The following MMP12 variants were observed in gnomAD, a reference collection of about 807,000 sequenced individuals.
The protein encoded by MMP12 is macrophage metalloelastase.
A neutral mutation model predicts 45.2 loss-of-function variants in MMP12; 51 were observed. The ratio of observed to expected loss-of-function variants is 1.13; its 90% CI spans 0.90 to 1.42. The LOEUF (loss-of-function observed/expected upper bound fraction) is 1.42, where lower values mean the gene tolerates loss of function less well. Ranked by LOEUF, MMP12 falls within the 40% of genes most tolerant of loss-of-function variation. MMP12 has a pLI of 0.00. For missense variants in MMP12, 530 were observed against 570.8 expected (o/e 0.93, Z 0.73); for synonymous variants, 210 against 193.3 (o/e 1.09, Z -0.72).
At chr11:102,871,992 A>C (rs1555009461) in intron 2 of MMP12, 40 bp from the exon 3 acceptor site, 14 of 1,564,182 alleles carry the variant, frequency 9.0e-6, no homozygotes, top group Non-Finnish European at 1.2e-5. Context: ...TATGGAAGGC[A>C]GTGTTATTTT....
At chr11:102,869,300 C>T (rs911025552) in intron 4 of MMP12, among the ~76,000 whole-genome samples, 2 of 152,118 alleles carry the variant, frequency 1.3e-5, no homozygotes, top group Non-Finnish European at 2.9e-5. Context: ...AGTGTCTAGA[C>T]ACAAATCAAG....
At chr11:102,863,235 C>A (rs201552823) in intron 9 of MMP12, 35 bp from the exon 10 acceptor site, 12 of 1,132,152 alleles carry the variant, frequency 1.1e-5, no homozygotes, top group Non-Finnish European at 1.4e-5. Flanking sequence ...GTTTAATTCC[C>A]TCCCTGTATT....
chr11:102,867,202 C>T, intron 6 of MMP12, 68 bp downstream of exon 6: 1 of 1,373,288 alleles, frequency 7.3e-7, no homozygotes, highest in South Asian at 1.5e-5. Context: ...TTATTTTCCA[C>T]TGTTTTCTGA....
At chr11:102,867,175 A>T in intron 6 of MMP12, 95 bp downstream of exon 6, 1 of 1,176,878 alleles carries the variant, frequency 8.5e-7, no homozygotes, top group Non-Finnish European at 1.2e-6. Context: ...TACAAGTTTC[A>T]TCTACTTCAT....
chr11:102,874,104 G>A (rs1271701842), intron 1 of MMP12, among the ~76,000 whole-genome samples: 1 of 151,544 alleles, frequency 6.6e-6, no homozygotes, highest in African/African-American at 2.4e-5. Context: ...TATAAGTTGG[G>A]ACACAAATTT....
chr11:102,863,001 A>G lies in MMP12; in HGVS notation c.*99T>C. 1 of 640,882 alleles carries G rather than the reference A, an allele frequency of 1.6e-6. No individual in the cohort carries two copies. Among genetic ancestry groups the G allele is most frequent in the Non-Finnish European group, 2.6e-6 (1 of 378,610 alleles). The allele number at this position is 640,882 out of a possible 1,614,324, so 39.7% of individuals were successfully genotyped here. The stretch of plus-strand genomic sequence containing the variant: ...GGTTTACAGATTTTATTTTTATGAT[A>G]CATATCTCTAAGTAGTGGTACACTG... On this transcript the variant is annotated 3_prime_UTR_variant, in exon 10 of 10. Coordinates refer to ENST00000571244, the MANE Select transcript of MMP12 (RefSeq NM_002426.6).
At chr11:102,868,233 A>G (rs568837324) in intron 4 of MMP12, among the ~76,000 whole-genome samples, 164 bp from the exon 5 acceptor site, 1 of 152,344 alleles carries the variant, frequency 6.6e-6, no homozygotes, top group Non-Finnish European at 1.5e-5. Flanking sequence ...ATTACAGTTC[A>G]GTAGTCTGGG....
At chr11:102,868,298 G>T (rs554803786) in intron 4 of MMP12, among the ~76,000 whole-genome samples, 13 of 152,280 alleles carry the variant, frequency 8.5e-5, no homozygotes, top group African/African-American at 3.1e-4. Context: ...CTAAATGCAA[G>T]TAGCAAATCC....
At chr11:102,870,397 G>A (rs1420096447) in intron 4 of MMP12, among the ~76,000 whole-genome samples, 1 of 152,190 alleles carries the variant, frequency 6.6e-6, no homozygotes, top group African/African-American at 2.4e-5. Flanking sequence ...AACTTTATAA[G>A]CCTTAGGCTA....
At chr11:102,871,089 G>A (rs1555009251) in intron 4 of MMP12, among the ~76,000 whole-genome samples, 1 of 152,012 alleles carries the variant, frequency 6.6e-6, no homozygotes, top group Non-Finnish European at 1.5e-5. Flanking sequence ...AAATTAGCCG[G>A]GTGGGTAGCG....
chr11:102,869,549 C>A (rs1485855163), intron 4 of MMP12, among the ~76,000 whole-genome samples: 1 of 152,074 alleles, frequency 6.6e-6, no homozygotes, highest in African/African-American at 2.4e-5. Flanking sequence ...AACCTCATCA[C>A]CCAATACCAT....
intron 7 of MMP12, 127 bp from the exon 8 acceptor site, chr11:102,866,062 C>G (rs782705467): frequency 7.9e-6 from 7 of 886,318 alleles, no homozygotes; most frequent in Non-Finnish European, 9.8e-6. Context: ...TGATCTTAAA[C>G]ATAGTCTCTT....
chr11:102,864,509 G>A (rs1175008174), intron 8 of MMP12, among the ~76,000 whole-genome samples: 1 of 152,112 alleles, frequency 6.6e-6, no homozygotes, highest in Non-Finnish European at 1.5e-5. Flanking sequence ...GCTTTATAGA[G>A]TCTGGCATAG....
intron 4 of MMP12, among the ~76,000 whole-genome samples, chr11:102,870,168 T>C (rs1859466758): frequency 6.6e-6 from 1 of 152,232 alleles, no homozygotes; most frequent in Non-Finnish European, 1.5e-5. Flanking sequence ...GAAAGCTGTA[T>C]TAAATTACTC....
At chr11:102,871,339 C>T (rs1859490714) in intron 4 of MMP12, among the ~76,000 whole-genome samples, 1 of 152,116 alleles carries the variant, frequency 6.6e-6, no homozygotes, top group South Asian at 2.1e-4. Context: ...ATAGCATCCT[C>T]ATAGATTGTT....
Position 102,874,881 on chromosome 11 carries a change from C to T in MMP12, c.57G>A (p.Leu19=). Residue 19 remains leucine (L), a synonymous_variant, in exon 1 of 10, where the codon CTG becomes CTA. Transcript: ENST00000571244. ...LQATASGALP[L]NSSTSLEKNN... The stretch of plus-strand genomic sequence containing the variant: ...TTTTTTCCAGGCTTGTAGAGCTGTT[C>T]AGGGGAAGAGCTCCAGAAGCAGTGG... The T allele has an allele frequency of 6.2e-7, 1 of 1,607,460 alleles. No individual in the cohort carries two copies. The highest frequency in any genetic ancestry group is 8.5e-7 in the Non-Finnish European group (1 of 1,176,782).
In MMP12 at chr11:102,865,551, T is replaced by C. The variant is rs1436093786; in HGVS notation, c.1205+225A>G. 1.3e-5 allele frequency among the ~76,000 whole-genome samples: 2 copies of C among 151,586 alleles called. No homozygotes were observed. Among genetic ancestry groups the C allele is most frequent in the Non-Finnish European group, 2.9e-5 (2 of 67,832 alleles). ...TAAGATGACATTTTATTTAGAGTGTTTTTTTAAAAAAAAACACACATTATC... is the reference window on the plus strand; with the variant it reads ...TAAGATGACATTTTATTTAGAGTGTCTTTTTAAAAAAAAACACACATTATC... On this transcript the variant is annotated intron_variant, in intron 8 of 9. Transcript: ENST00000571244. This position sits in a 1 kb window ranked among gnomAD's most constrained non-coding sequence, Gnocchi z 4.1.
Position 102,871,865 on chromosome 11 carries a change from G to C in MMP12, c.438C>G (p.Pro146=). Residue 146 remains proline, a synonymous_variant, in exon 3 of 10, where the codon CCC becomes CCG. Transcript: ENST00000571244. ...CTGTGTTAATCTTGCTGAATTTCAA[G>C]GGGGTAACATTACTCCATACTTGGA... ...KAFQVWSNVT[P]LKFSKINTGM... The C allele has an allele frequency of 6.2e-7, 1 of 1,613,754 alleles. No individual in the cohort carries two copies. Among genetic ancestry groups the C allele is most frequent in the Non-Finnish European group, 8.5e-7 (1 of 1,179,798 alleles).
intron 2 of MMP12, 38 bp downstream of exon 2, chr11:102,872,826 GA>G: frequency 6.2e-7 from 1 of 1,604,454 alleles, no homozygotes; most frequent in Non-Finnish European, 8.5e-7. Flanking sequence ...AGACCTATGG[GA>G]AAGTAGAAAA....
Sources: gnomAD v4.1 joint callset for allele counts (sites outside exome capture counted in the v4.1 genomes callset) on GRCh38, gnomAD v4.1.1 for gene constraint, Gnocchi (gnomAD v3.1) non-coding constraint, MANE v1.5 for transcripts, NCBI Gene and HGNC (gene_info 2026-07-23, HGNC 2026-07-21) for gene names.